The following TMTC2 variants were observed in gnomAD, a reference collection of about 807,000 sequenced individuals.
TMTC2 encodes the protein protein O-mannosyl-transferase TMTC2.
TMTC2 carries 43 observed loss-of-function variants against 82.4 expected under a neutral mutation model. The ratio of observed to expected loss-of-function variants is 0.52; its 90% CI spans 0.41 to 0.67. The LOEUF (loss-of-function observed/expected upper bound fraction) is 0.67. TMTC2 is among the 30% of genes least tolerant of loss of function. The probability of loss-of-function intolerance (pLI) is 0.00; values close to 1 mark genes in which losing one functional copy is unlikely to be tolerated. For synonymous variants in TMTC2, 408 were observed against 381.9 expected, an observed-to-expected ratio of 1.07 and a Z score of -0.80; for missense variants, 919 against 1,012.4, an observed-to-expected ratio of 0.91 and a Z score of 1.25.
chr12:82,966,640 A>T (rs1383310649), intron 6 of TMTC2, among the ~76,000 whole-genome samples: 1 of 152,044 alleles, frequency 6.6e-6, no homozygotes, highest in Admixed American at 6.6e-5. Context: ...TTTTTAGTTG[A>T]GTAATCTGCA....
intron 1 of TMTC2, among the ~76,000 whole-genome samples, chr12:82,815,385 A>G (rs1868642857): frequency 6.6e-6 from 1 of 151,646 alleles, no homozygotes; most frequent in South Asian, 2.1e-4. Flanking sequence ...ATCTCGGCTC[A>G]CTGCAAGCTC....
intron 11 of TMTC2, among the ~76,000 whole-genome samples, chr12:83,113,431 AT>A (rs2137549074): frequency 6.6e-6 from 1 of 152,328 alleles, no homozygotes; most frequent in East Asian, 1.9e-4. Context: ...AATTTCAGAT[AT>A]TCTCAGAAAT....
At chr12:82,932,142 A>G (rs185809517) in intron 4 of TMTC2, among the ~76,000 whole-genome samples, 1 of 152,328 alleles carries the variant, frequency 6.6e-6, no homozygotes, top group East Asian at 1.9e-4. Flanking sequence ...AGGCACAGAT[A>G]CTTAAAAAAA....
At chr12:82,688,459 T>G (rs141228741) in intron 1 of TMTC2, among the ~76,000 whole-genome samples, 4 of 152,304 alleles carry the variant, frequency 2.6e-5, no homozygotes, top group Non-Finnish European at 1.5e-5. Context: ...CTGCATCGAT[T>G]TCTGGAAAAT....
chr12:82,754,683 G>A (rs1876204214), intron 1 of TMTC2, among the ~76,000 whole-genome samples: 2 of 152,284 alleles, frequency 1.3e-5, no homozygotes, highest in East Asian at 1.9e-4. Context: ...TTTGCAGTGA[G>A]CTGATATTGT....
In TMTC2 at chr12:82,725,138, T is replaced by TA. The variant is rs139018561; in HGVS notation, c.83+37479dup. Among the ~76,000 whole-genome samples the TA allele has an allele frequency of 5.7e-3, 842 of 147,108 alleles. 38 individuals are homozygous for TA. The East Asian group carries it at 0.13, about 22-fold the overall frequency. ...AACAGTGTTGATTTTTAAAAAGTCTTAAAAAAAAAACAAAAAAACTATCAG... is the reference window on the plus strand; with the variant it reads ...AACAGTGTTGATTTTTAAAAAGTCTTAAAAAAAAAAACAAAAAAACTATCAG... On this transcript the variant is annotated intron_variant, in intron 1 of 11. Coordinates refer to ENST00000321196, the MANE Select transcript of TMTC2 (RefSeq NM_152588.3).
chr12:82,725,233 T>C (rs1226472581), intron 1 of TMTC2, among the ~76,000 whole-genome samples: 1 of 152,150 alleles, frequency 6.6e-6, no homozygotes, highest in Non-Finnish European at 1.5e-5. Context: ...TACTTTTTTT[T>C]CCTCCAAAAA....
intron 1 of TMTC2, among the ~76,000 whole-genome samples, chr12:82,846,391 T>C (rs1268913765): frequency 6.6e-6 from 1 of 151,864 alleles, no homozygotes; most frequent in African/African-American, 2.4e-5. Flanking sequence ...GGAAAGATTG[T>C]CTAGGTAAAC....
chr12:82,909,374 C>G (rs976727624), intron 3 of TMTC2, among the ~76,000 whole-genome samples: 1 of 152,136 alleles, frequency 6.6e-6, no homozygotes, highest in Non-Finnish European at 1.5e-5. Flanking sequence ...GAGTCTCACT[C>G]TGTCGCCCAG....
intron 11 of TMTC2, among the ~76,000 whole-genome samples, chr12:83,116,362 T>C (rs1381377709): frequency 6.6e-6 from 1 of 152,240 alleles, no homozygotes; most frequent in Non-Finnish European, 1.5e-5. Flanking sequence ...GTTGGTTCCA[T>C]GTTTTTGCAA....
At chr12:82,751,831 T>G (rs2136966844) in intron 1 of TMTC2, among the ~76,000 whole-genome samples, 1 of 152,268 alleles carries the variant, frequency 6.6e-6, no homozygotes, top group East Asian at 1.9e-4. Flanking sequence ...TCTGAAATAT[T>G]TTTTCCATAT....
At chr12:83,050,425 G>A (rs1019523148) in intron 9 of TMTC2, among the ~76,000 whole-genome samples, 2 of 152,030 alleles carry the variant, frequency 1.3e-5, no homozygotes, top group Non-Finnish European at 2.9e-5. Context: ...TCACAAATCT[G>A]AACTTGTTAA....
At chr12:83,129,116 A>G (rs1481562726) in intron 11 of TMTC2, among the ~76,000 whole-genome samples, 1 of 152,218 alleles carries the variant, frequency 6.6e-6, no homozygotes, top group African/African-American at 2.4e-5. Flanking sequence ...TGAAATAAAA[A>G]ATTTTATTTT....
intron 8 of TMTC2, among the ~76,000 whole-genome samples, chr12:83,003,816 C>T (rs573882503): frequency 3.3e-5 from 5 of 151,922 alleles, no homozygotes; most frequent in African/African-American, 1.2e-4. Flanking sequence ...TTTCATTGAC[C>T]TTGTAGAACC....
chr12:82,930,089 A>G (rs964033626), intron 3 of TMTC2, among the ~76,000 whole-genome samples: 4 of 152,180 alleles, frequency 2.6e-5, no homozygotes, highest in Non-Finnish European at 5.9e-5. Flanking sequence ...TTTCTGGCCC[A>G]GTAAGTATAC....
At chr12:82,882,216 G>A (rs1872866052) in intron 2 of TMTC2, among the ~76,000 whole-genome samples, 1 of 151,468 alleles carries the variant, frequency 6.6e-6, no homozygotes, top group South Asian at 2.1e-4. Context: ...AGCCGGGATG[G>A]TCTCGATCTC....
chr12:82,877,053 A>C (rs1456372665), intron 2 of TMTC2, among the ~76,000 whole-genome samples: 1 of 121,486 alleles, frequency 8.2e-6, no homozygotes, highest in East Asian at 2.6e-4. Context: ...ACCTGTGGTT[A>C]CTAATTTTTT....
rs1555200160 is a variant in TMTC2 at position 82,948,370 on chromosome 12, A to AAAC, written c.1599-16651_1599-16649dup. 7.3e-4 allele frequency among the ~76,000 whole-genome samples: 10 copies of AAAC among 13,616 alleles called. No individual in the cohort carries two copies. The East Asian group carries it at 0.17, about 227-fold the overall frequency. 8.9% of individuals were successfully genotyped at this position (13,616 alleles called of 152,430 possible). ...ACAGAGGGAAACCCTACCTTAATTT[A>AAAC]AACAAAAAAAAAAAAGATTGTTATG... is the stretch of plus-strand genomic sequence containing the variant. On this transcript the variant is annotated intron_variant, in intron 4 of 11. Coordinates refer to ENST00000321196, the MANE Select transcript of TMTC2 (RefSeq NM_152588.3).
intron 1 of TMTC2, among the ~76,000 whole-genome samples, chr12:82,746,902 A>G (rs1267245807): frequency 5.9e-5 from 9 of 152,242 alleles, no homozygotes. Flanking sequence ...GCAGCCAGTA[A>G]GGAAATAAGG....
Sources: gnomAD v4.1 joint callset for allele counts (sites outside exome capture counted in the v4.1 genomes callset) on GRCh38, gnomAD v4.1.1 for gene constraint, MANE v1.5 for transcripts, NCBI Gene and HGNC (gene_info 2026-07-23, HGNC 2026-07-21) for gene names.